The following CD47 variants were observed in gnomAD, a reference collection of about 807,000 sequenced individuals.
CD47 encodes the protein CD47 molecule.
In CD47, 11 loss-of-function variants were observed where a neutral mutation model predicts 44.6. The observed-to-expected ratio is 0.25, with a 90% CI of 0.16 to 0.41. The LOEUF (loss-of-function observed/expected upper bound fraction) is 0.41, where lower values mean the gene tolerates loss of function less well. Among genes scored for constraint, CD47 ranks in the 10% least tolerant of loss-of-function variants. The pLI is 1.00. For synonymous variants in CD47, 140 were observed against 136.3 expected (o/e 1.03, Z -0.19); for missense variants, 306 against 386.7 (o/e 0.79, Z 1.75).
rs2079395616 is a variant in CD47 at position 108,080,456 on chromosome 3, G to T, written c.47-112C>A. On this transcript the variant is annotated intron_variant, in intron 1 of 10. Transcript: ENST00000361309. ...AGCAACATTTCCATTGTTCACTTAA[G>T]TAAACAGTATAGCAATGAAGAAGAC... is the stretch of plus-strand genomic sequence containing the variant. 6.4e-6 allele frequency: 4 copies of T among 622,830 alleles called. No individual in the cohort carries two copies. In the African/African-American group the frequency reaches 7.4e-5, roughly 12 times the overall value. The allele number at this position is 622,830 out of a possible 1,614,324, so 38.6% of individuals were successfully genotyped here.
chr3:108,079,947 T>C (rs1371570356), intron 2 of CD47, 44 bp downstream of exon 2: 1 of 1,339,838 alleles, frequency 7.5e-7, no homozygotes, highest in Admixed American at 2.0e-5. Flanking sequence ...AGGATCAGGT[T>C]GCACCAGGAC....
rs765385869 is a variant in CD47, at chr3:108,044,814, G to A, written c.*2474C>T. On this transcript the variant is annotated 3_prime_UTR_variant, in exon 11 of 11. Coordinates refer to ENST00000361309, the MANE Select transcript of CD47 (RefSeq NM_001777.4). ...TAGCTGGAAAGGTTGTTGCAGAAAAGGACAAATGGTGTCACTGTGAGAACA... is the reference window on the plus strand; with the variant it reads ...TAGCTGGAAAGGTTGTTGCAGAAAAAGACAAATGGTGTCACTGTGAGAACA... The A allele has an allele frequency of 6.6e-6, 1 of 152,494 alleles. No individual in the cohort carries two copies. Among genetic ancestry groups the A allele is most frequent in the Admixed American group, 6.5e-5 (1 of 15,270 alleles). The allele number at this position is 152,494 out of a possible 1,614,324, so 9.4% of individuals were successfully genotyped here. A position where few individuals can be genotyped will look rare whatever the true frequency, so the allele number is the denominator to read the frequency against.
At chr3:108,082,341 G>A (rs966062201) in intron 1 of CD47, among the ~76,000 whole-genome samples, 1 of 151,922 alleles carries the variant, frequency 6.6e-6, no homozygotes, top group African/African-American at 2.4e-5. Context: ...AATAAATCTT[G>A]TTCTGCAATT....
In CD47 at chr3:108,091,016, C is replaced by T; in HGVS notation, c.-108G>A. The T allele has an allele frequency of 1.4e-6, 1 of 713,122 alleles. No individual in the cohort carries two copies. The highest frequency in any genetic ancestry group is 2.0e-6 in the Non-Finnish European group (1 of 502,748). The allele number at this position is 713,122 out of a possible 1,614,324, so 44.2% of individuals were successfully genotyped here. On this transcript the variant is annotated 5_prime_UTR_variant, in exon 1 of 11. Transcript: ENST00000361309. ...CGCCGCCGCGCGTCACAGGCAGGACCCACTGCCCAGGCTGCACGGCCGCGC... is the reference window on the plus strand; with the variant it reads ...CGCCGCCGCGCGTCACAGGCAGGACTCACTGCCCAGGCTGCACGGCCGCGC...
chr3:108,057,877 A>G (rs1202821812), intron 6 of CD47, among the ~76,000 whole-genome samples: 1 of 152,238 alleles, frequency 6.6e-6, no homozygotes, highest in African/African-American at 2.4e-5. Flanking sequence ...TTTGGGTGCT[A>G]GAACAATCAG....
rs1559963753 is a variant in CD47, at chr3:108,044,460, A to AAAAAAAAC, written c.*2827_*2828insGTTTTTTT. ...AAAAAAAAAAAAACAAAAAAAAAAA[A>AAAAAAAAC]CAGAAAGAAAGAAAACTCTCAAGCT... On this transcript the variant is annotated 3_prime_UTR_variant, in exon 11 of 11. Transcript: ENST00000361309. 1 of 91,550 alleles carries AAAAAAAAC rather than the reference A, an allele frequency of 1.1e-5. No homozygotes were observed. Among genetic ancestry groups the AAAAAAAAC allele is most frequent in the Non-Finnish European group, 2.1e-5 (1 of 47,556 alleles). The allele number at this position is 91,550 out of a possible 1,614,324, so 5.7% of individuals were successfully genotyped here.
intron 5 of CD47, among the ~76,000 whole-genome samples, chr3:108,059,024 G>A (rs2078966664): frequency 6.6e-6 from 1 of 152,122 alleles, no homozygotes. Context: ...ATTAAGGTTT[G>A]CTAATAATTA....
intron 2 of CD47, among the ~76,000 whole-genome samples, chr3:108,078,599 C>T (rs1172298490): frequency 6.6e-6 from 1 of 152,006 alleles, no homozygotes; most frequent in East Asian, 1.9e-4. Context: ...TTACACCCTT[C>T]ATTAAAGGTA....
chr3:108,063,131 A>G (rs565173352), intron 3 of CD47, among the ~76,000 whole-genome samples: 31 of 152,328 alleles, frequency 2.0e-4, no homozygotes, highest in Admixed American at 3.3e-4. Flanking sequence ...CTCTTTGAGT[A>G]TAAGTACACT....
intron 1 of CD47, among the ~76,000 whole-genome samples, chr3:108,084,904 C>A (rs1322479668): frequency 1.3e-5 from 2 of 152,046 alleles, no homozygotes; most frequent in Non-Finnish European, 2.9e-5. Context: ...CAGCTCCCTG[C>A]CTCCATCCTC....
At position 108,080,256 on chromosome 3, in the gene CD47, A is replaced by G. The variant is rs1405519247; in HGVS notation, c.135T>C (p.Asn45=). ...DTVVIPCFVT[N]MEAQNTTEVY... is the part of the protein sequence containing the mutation. ...CTTCAGTAGTGTTTTGTGCCTCCAT[A>G]TTAGTAACAAAGCATGGAATGACGA... The change falls in exon 2 of 11, where the codon AAT becomes AAC. Residue 45 remains asparagine (N), a synonymous_variant. Coordinates refer to ENST00000361309, the MANE Select transcript of CD47 (RefSeq NM_001777.4). 13 of 1,611,570 alleles carry G rather than the reference A, an allele frequency of 8.1e-6. No homozygotes were observed. Among genetic ancestry groups the G allele is most frequent in the Admixed American group, 3.3e-5 (2 of 59,942 alleles).
chr3:108,064,279 G>A (rs1285276181), intron 3 of CD47, among the ~76,000 whole-genome samples: 1 of 152,150 alleles, frequency 6.6e-6, no homozygotes, highest in Non-Finnish European at 1.5e-5. Context: ...GAGGGGAGGG[G>A]GGTGTGAGTG....
intron 3 of CD47, among the ~76,000 whole-genome samples, chr3:108,065,560 C>G (rs1053104328): frequency 2.0e-5 from 3 of 152,040 alleles, no homozygotes; most frequent in African/African-American, 7.2e-5. Flanking sequence ...TGCCTGTAAT[C>G]TCAGCACTTT....
At chr3:108,065,985 C>T (rs566966193) in intron 3 of CD47, among the ~76,000 whole-genome samples, 2 of 152,208 alleles carry the variant, frequency 1.3e-5, no homozygotes, top group South Asian at 4.2e-4. Context: ...GCTATGTCTT[C>T]ACTTTTTCAG....
chr3:108,050,473 A>G (rs1402910682), intron 9 of CD47, 105 bp downstream of exon 9: 3 of 670,878 alleles, frequency 4.5e-6, no homozygotes, highest in Admixed American at 2.8e-5. Context: ...AAAAGAGGAA[A>G]AAAACCTAGA....
chr3:108,066,982 G>A (rs920772285), intron 3 of CD47, among the ~76,000 whole-genome samples: 4 of 152,144 alleles, frequency 2.6e-5, no homozygotes, highest in African/African-American at 4.8e-5. Flanking sequence ...AGGATAAAAC[G>A]GTAGAAACCG....
intron 7 of CD47, chr3:108,055,463 ACCATATTAATGTT>A: frequency 1.0e-6 from 1 of 969,900 alleles, no homozygotes; most frequent in Non-Finnish European, 1.5e-6. Flanking sequence ...ATATAAGCAA[ACCATATTAATGTT>A]CCTCCTAGTC....
chr3:108,089,665 C>T (rs536059107), intron 1 of CD47, among the ~76,000 whole-genome samples: 1 of 152,228 alleles, frequency 6.6e-6, no homozygotes, highest in African/African-American at 2.4e-5. Flanking sequence ...GATTCACAGT[C>T]CCAACATCCA....
rs1021510253 is a variant in CD47, at chr3:108,043,905, C to T, written c.*3383G>A. ...CTCTTCAAAGTTACCTGGATTATCCCTATTAGTCACTGAAAATGACCTAAC... is the reference window on the plus strand; with the variant it reads ...CTCTTCAAAGTTACCTGGATTATCCTTATTAGTCACTGAAAATGACCTAAC... On this transcript the variant is annotated 3_prime_UTR_variant, in exon 11 of 11. Transcript: ENST00000361309. 2.6e-5 allele frequency: 4 copies of T among 152,568 alleles called. No homozygotes were observed. Among genetic ancestry groups the T allele is most frequent in the Non-Finnish European group, 4.4e-5 (3 of 68,034 alleles). The allele number at this position is 152,568 out of a possible 1,614,324, so 9.5% of individuals were successfully genotyped here. A position where few individuals can be genotyped will look rare whatever the true frequency, so the allele number is the denominator to read the frequency against.
Sources: allele counts gnomAD v4.1 joint callset (sites outside exome capture counted in the v4.1 genomes callset), GRCh38; gene constraint gnomAD v4.1.1; transcripts MANE v1.5; gene names NCBI Gene and HGNC (gene_info 2026-07-23, HGNC 2026-07-21).